Variants in PDE4B observed in about 807,000 individuals in gnomAD.
PDE4B encodes the protein phosphodiesterase 4B, also known as 3',5'-cyclic-AMP phosphodiesterase 4B.
Under a neutral mutation model 82.2 loss-of-function variants are expected in PDE4B, and 20 were observed. That is an observed-to-expected ratio of 0.24 (90% CI 0.17 to 0.35). PDE4B has a LOEUF of 0.35. Among genes scored for constraint, PDE4B ranks in the 10% least tolerant of loss-of-function variants. The probability of loss-of-function intolerance (pLI) is 1.00; values close to 1 mark genes in which losing one functional copy is unlikely to be tolerated. For synonymous variants in PDE4B, 320 were observed against 318.9 expected (o/e 1.00, Z -0.04); for missense variants, 655 against 907.2 (o/e 0.72, Z 3.57).
rs572396746 is a variant in PDE4B at position 66,374,282 on chromosome 1, C to A, written c.*1604C>A. ...AAATGTGAACTGATGTAGCAAATTACGCAAATGTGAAGCCTCTTCTGATAA... is the reference window on the plus strand; with the variant it reads ...AAATGTGAACTGATGTAGCAAATTAAGCAAATGTGAAGCCTCTTCTGATAA... On this transcript the variant is annotated 3_prime_UTR_variant, in exon 17 of 17. Transcript: ENST00000341517. 5 of 152,616 alleles carry A rather than the reference C, an allele frequency of 3.3e-5. No homozygotes were observed. Among genetic ancestry groups the A allele is most frequent in the African/African-American group, 7.2e-5 (3 of 41,414 alleles). The allele number at this position is 152,616 out of a possible 1,614,324, so 9.5% of individuals were successfully genotyped here.
At chr1:66,079,118 C>T (rs915265621) in intron 3 of PDE4B, among the ~76,000 whole-genome samples, 1 of 151,668 alleles carries the variant, frequency 6.6e-6, no homozygotes, top group Admixed American at 6.6e-5. Context: ...AATGTATGCT[C>T]TGAACACACT....
At chr1:66,150,066 G>A (rs1296389613) in intron 3 of PDE4B, among the ~76,000 whole-genome samples, 1 of 152,148 alleles carries the variant, frequency 6.6e-6, no homozygotes, top group Non-Finnish European at 1.5e-5. Flanking sequence ...GGCCATACAT[G>A]TGTGAGTTTA....
intron 3 of PDE4B, among the ~76,000 whole-genome samples, chr1:66,222,769 C>T (rs1028151652): frequency 6.6e-6 from 1 of 152,124 alleles, no homozygotes; most frequent in Non-Finnish European, 1.5e-5. Flanking sequence ...CAGTTTAGTT[C>T]CTGACATAAG....
At chr1:66,089,810 C>A (rs961043662) in intron 3 of PDE4B, among the ~76,000 whole-genome samples, 1 of 152,028 alleles carries the variant, frequency 6.6e-6, no homozygotes, top group South Asian at 2.1e-4. Flanking sequence ...TCTTTGCTCA[C>A]AGGATAATTC....
chr1:65,975,917 C>T (rs1650381950), intron 3 of PDE4B, among the ~76,000 whole-genome samples: 1 of 152,200 alleles, frequency 6.6e-6, no homozygotes, highest in Non-Finnish European at 1.5e-5. Flanking sequence ...GGGTGGAGCC[C>T]TCCTGGAGAA....
chr1:66,009,590 C>T (rs1362197694), intron 3 of PDE4B, among the ~76,000 whole-genome samples: 1 of 152,144 alleles, frequency 6.6e-6, no homozygotes, highest in Non-Finnish European at 1.5e-5. Flanking sequence ...CTCACACCAT[C>T]CCAGCCACAC....
At chr1:66,343,592 A>G (rs1292733991) in intron 8 of PDE4B, among the ~76,000 whole-genome samples, 1 of 152,212 alleles carries the variant, frequency 6.6e-6, no homozygotes, top group Non-Finnish European at 1.5e-5. Flanking sequence ...TTGAGACTCC[A>G]CTTTCCTTGC....
chr1:65,855,209 T>C (rs368258496), intron 1 of PDE4B, among the ~76,000 whole-genome samples: 3 of 151,724 alleles, frequency 2.0e-5, no homozygotes, highest in South Asian at 2.1e-4. Context: ...TTTTATTGAC[T>C]GATATTTTCC....
chr1:66,087,926 A>G (rs1434828912), intron 3 of PDE4B, among the ~76,000 whole-genome samples: 2 of 150,782 alleles, frequency 1.3e-5, no homozygotes, highest in Non-Finnish European at 3.0e-5. Flanking sequence ...CTAGATGACG[A>G]GTTAGTGGGT....
chr1:65,948,724 G>T (rs1362950080), intron 3 of PDE4B, among the ~76,000 whole-genome samples: 1 of 151,996 alleles, frequency 6.6e-6, no homozygotes, highest in Non-Finnish European at 1.5e-5. Flanking sequence ...TGGTGTTTGG[G>T]ATCTTTGGCT....
At chr1:66,090,596 T>TTG (rs1557553211) in intron 3 of PDE4B, among the ~76,000 whole-genome samples, 4 of 86,750 alleles carry the variant, frequency 4.6e-5, no homozygotes, top group Admixed American at 1.1e-4. Flanking sequence ...GATGACAAAA[T>TTG]TATATATATA....
At chr1:65,815,021 TTTTATTTATTTATTTA>T (rs138553972) in intron 1 of PDE4B, among the ~76,000 whole-genome samples, 13,958 of 145,126 alleles carry the variant, frequency 0.096, 775 homozygotes, top group South Asian at 0.14. Context: ...TCAACACACA[TTTTATTTATTTATTTA>T]TTTATTTATT....
chr1:66,063,368 G>A (rs1318294406), intron 3 of PDE4B, among the ~76,000 whole-genome samples: 1 of 151,972 alleles, frequency 6.6e-6, no homozygotes, highest in Non-Finnish European at 1.5e-5. Flanking sequence ...TAGGGATTCT[G>A]ATATAATTTA....
chr1:65,824,465 A>G (rs1315154807), intron 1 of PDE4B, among the ~76,000 whole-genome samples: 1 of 152,038 alleles, frequency 6.6e-6, no homozygotes, highest in Non-Finnish European at 1.5e-5. Flanking sequence ...ACTAGGCAAT[A>G]CTACTTTTCA....
intron 3 of PDE4B, among the ~76,000 whole-genome samples, chr1:65,985,299 G>A (rs1199275115): frequency 1.3e-5 from 2 of 152,052 alleles, no homozygotes; most frequent in African/African-American, 2.4e-5. Context: ...AAGAGCAGTG[G>A]AGTGGATTTG....
At position 66,199,116 on chromosome 1, in the gene PDE4B, G is replaced by A. The variant is rs540112438; in HGVS notation, c.282-48344G>A. 6.2e-3 allele frequency among the ~76,000 whole-genome samples: 937 copies of A among 151,758 alleles called. 12 individuals are homozygous for A. Among genetic ancestry groups the A allele is most frequent in the African/African-American group, 0.022 (893 of 41,296 alleles). The stretch of plus-strand genomic sequence containing the variant: ...AGCAGCATGATTTATAGTCCTTTGG[G>A]TATATACCCAGTAATGGGATGGCTG... On this transcript the variant is annotated intron_variant, in intron 3 of 16. Coordinates refer to ENST00000341517, the MANE Select transcript of PDE4B (RefSeq NM_002600.4).
chr1:66,319,022 C>T (rs1024656663), intron 7 of PDE4B, among the ~76,000 whole-genome samples: 1 of 152,206 alleles, frequency 6.6e-6, no homozygotes, highest in Non-Finnish European at 1.5e-5. Flanking sequence ...AGAAGAAAAT[C>T]AGTAAACTTG....
At chr1:65,894,880 A>G (rs1646892150) in intron 1 of PDE4B, among the ~76,000 whole-genome samples, 1 of 152,198 alleles carries the variant, frequency 6.6e-6, no homozygotes, top group South Asian at 2.1e-4. Flanking sequence ...ACCTGGTAAT[A>G]GTAAGTTTTG....
At chr1:66,103,584 A>G (rs1163425479) in intron 3 of PDE4B, among the ~76,000 whole-genome samples, 2 of 152,132 alleles carry the variant, frequency 1.3e-5, no homozygotes, top group Non-Finnish European at 2.9e-5. Context: ...CATCATGGCA[A>G]TCCTTTTAAA....
Sources: gnomAD v4.1 joint callset for allele counts (sites outside exome capture counted in the v4.1 genomes callset) on GRCh38, gnomAD v4.1.1 for gene constraint, MANE v1.5 for transcripts, NCBI Gene and HGNC (gene_info 2026-07-23, HGNC 2026-07-21) for gene names.